ESRRG: variants seen among roughly 807,000 people sequenced by gnomAD.
ESRRG encodes the protein estrogen related receptor gamma.
Under a neutral mutation model 44.0 loss-of-function variants are expected in ESRRG, and 13 were observed. That is an observed-to-expected ratio of 0.30 (90% CI 0.19 to 0.47). The LOEUF is 0.47. ESRRG is among the 20% of genes least tolerant of loss of function. The pLI is 1.00. For synonymous variants in ESRRG, 215 were observed against 214.6 expected, an observed-to-expected ratio of 1.00 and a Z score of -0.02; for missense variants, 395 against 580.6, an observed-to-expected ratio of 0.68 and a Z score of 3.29.
At chr1:216,799,479 A>C (rs1007619969) in intron 2 of ESRRG, among the ~76,000 whole-genome samples, 1 of 151,978 alleles carries the variant, frequency 6.6e-6, no homozygotes, top group African/African-American at 2.4e-5. Flanking sequence ...CACAATGAAG[A>C]GGGACCCTTG....
At chr1:216,983,253 A>T (rs1462267308) in intron 1 of ESRRG, among the ~76,000 whole-genome samples, 2 of 151,122 alleles carry the variant, frequency 1.3e-5, no homozygotes. Context: ...TTTTTTTGAG[A>T]CAGGGTCTCG....
intron 1 of ESRRG, among the ~76,000 whole-genome samples, chr1:216,958,036 G>A (rs887143157): frequency 2.0e-5 from 3 of 151,704 alleles, no homozygotes; most frequent in South Asian, 2.1e-4. Flanking sequence ...CGTATAGTAC[G>A]CACCACCATG....
chr1:217,082,839 C>T (rs1323022729), intron 1 of ESRRG, among the ~76,000 whole-genome samples: 1 of 152,126 alleles, frequency 6.6e-6, no homozygotes, highest in East Asian at 1.9e-4. Flanking sequence ...AAGTGATAAA[C>T]TTAGAAGTAC....
chr1:216,927,660 C>T (rs935312832), intron 2 of ESRRG, among the ~76,000 whole-genome samples: 4 of 152,192 alleles, frequency 2.6e-5, no homozygotes, highest in African/African-American at 7.2e-5. Context: ...TAAGGCACGC[C>T]ATAGGCCCCT....
intron 5 of ESRRG, among the ~76,000 whole-genome samples, chr1:216,560,855 TAA>T (rs1254869673): frequency 1.3e-5 from 2 of 152,014 alleles, no homozygotes; most frequent in East Asian, 1.9e-4. Flanking sequence ...GAAAGAGAAA[TAA>T]AAAAGAGTCA....
chr1:216,700,260 T>G (rs2081133889), intron 1 of ESRRG, among the ~76,000 whole-genome samples: 2 of 152,292 alleles, frequency 1.3e-5, no homozygotes, highest in South Asian at 4.1e-4. Context: ...CTGGCTATTT[T>G]CACTTTTAAA....
chr1:216,812,578 T>C lies in ESRRG; in HGVS notation c.-14+127004A>G, dbSNP rs1412111898. ...TTTGTTTTTGGCATTCTTCACTATA[T>C]ACTAGGTTTTGTCTTCCTCTCTTTA... On this transcript the variant is annotated intron_variant, in intron 2 of 7. Coordinates refer to the ESRRG transcript ENST00000359162. Among the ~76,000 whole-genome samples, 3 of 152,340 alleles carry C rather than the reference T, an allele frequency of 2.0e-5. No homozygotes were observed. In the South Asian group the frequency reaches 6.2e-4, roughly 32 times the overall value.
upstream of ESRRG, among the ~76,000 whole-genome samples, chr1:217,091,593 G>C (rs187302425): frequency 9.2e-5 from 14 of 152,314 alleles, no homozygotes; most frequent in Admixed American, 5.2e-4. Context: ...CTGATGGCCA[G>C]ATCCCAAAAC....
At chr1:216,719,896 T>G (rs11572671) in intron 1 of ESRRG, among the ~76,000 whole-genome samples, 3,063 of 152,126 alleles carry the variant, frequency 0.02, 53 homozygotes, top group Non-Finnish European at 0.033. Context: ...CCATCACCCT[T>G]AGCTCTGCCC....
At chr1:216,916,857 TTTTTTTTTTTTTTTTTTTTTTTTTTTTG>T (rs2061249111) in intron 2 of ESRRG, among the ~76,000 whole-genome samples, 2 of 50,526 alleles carry the variant, frequency 4.0e-5, no homozygotes, top group African/African-American at 5.4e-5. Context: ...TTTTTTTTTT[TTTTTTTTTTTTTTTTTTTTTTTTTTTTG>T]CTATGTAACT....
chr1:217,030,347 C>A (rs1367283265), intron 1 of ESRRG, among the ~76,000 whole-genome samples: 1 of 152,068 alleles, frequency 6.6e-6, no homozygotes. Context: ...ATAAACAGAC[C>A]ACCATTACCC....
chr1:216,623,116 T>G (rs2062572627), intron 3 of ESRRG, among the ~76,000 whole-genome samples: 1 of 116,888 alleles, frequency 8.6e-6, no homozygotes, highest in Admixed American at 1.3e-4. Flanking sequence ...GGAGTCTCGC[T>G]CTGTCACCCA....
chr1:217,008,956 TC>T (rs2078151506), intron 1 of ESRRG, among the ~76,000 whole-genome samples: 1 of 152,222 alleles, frequency 6.6e-6, no homozygotes, highest in Admixed American at 6.5e-5. Context: ...TGGCCAGATT[TC>T]AAGATCACCT....
intron 2 of ESRRG, among the ~76,000 whole-genome samples, chr1:216,656,711 C>A (rs894285341): frequency 6.6e-6 from 1 of 152,170 alleles, no homozygotes; most frequent in Admixed American, 6.5e-5. Flanking sequence ...TGAATAACAT[C>A]ACTCCCACAT....
intron 2 of ESRRG, among the ~76,000 whole-genome samples, chr1:216,848,278 T>C (rs540848898): frequency 6.6e-6 from 1 of 152,192 alleles, no homozygotes; most frequent in East Asian, 1.9e-4. Flanking sequence ...AATGCAGCCC[T>C]GGGAAGAGAC....
At chr1:216,530,134 G>C (rs6669134) in intron 5 of ESRRG, among the ~76,000 whole-genome samples, 1 of 119,578 alleles carries the variant, frequency 8.4e-6, no homozygotes, top group Non-Finnish European at 1.7e-5. Flanking sequence ...AAAAAAAAAA[G>C]GGGGTGGGGG....
intron 2 of ESRRG, among the ~76,000 whole-genome samples, chr1:216,815,910 T>C (rs1366066138): frequency 1.3e-5 from 2 of 152,328 alleles, no homozygotes; most frequent in Middle Eastern, 3.4e-3. Flanking sequence ...TCACTTGTTT[T>C]TCTGCATATT....
At chr1:216,597,759 T>C (rs535658104) in intron 3 of ESRRG, among the ~76,000 whole-genome samples, 1 of 152,052 alleles carries the variant, frequency 6.6e-6, no homozygotes, top group Non-Finnish European at 1.5e-5. Context: ...CTGTAGATCC[T>C]GAGAAATCAC....
At chr1:216,850,722 T>C (rs7524688) in intron 2 of ESRRG, among the ~76,000 whole-genome samples, 76 of 152,180 alleles carry the variant, frequency 5.0e-4, no homozygotes, top group African/African-American at 1.8e-3. Context: ...ACTCTTCCTG[T>C]GATCTGTAAT....
Sources: allele counts gnomAD v4.1 joint callset (sites outside exome capture counted in the v4.1 genomes callset), GRCh38; gene constraint gnomAD v4.1.1; transcripts MANE v1.5; gene names NCBI Gene and HGNC (gene_info 2026-07-23, HGNC 2026-07-21).